Variants in CAPN11 observed in about 807,000 individuals in gnomAD.
The protein encoded by CAPN11 is calpain 11.
A neutral mutation model predicts 105.3 loss-of-function variants in CAPN11; 108 were observed. The observed-to-expected ratio is 1.03, with a 90% CI of 0.88 to 1.20. The LOEUF (loss-of-function observed/expected upper bound fraction) is 1.20. Among genes scored for constraint, CAPN11 ranks in the 50% most tolerant of loss-of-function variants. CAPN11 has a pLI of 0.00. For missense variants in CAPN11, 883 were observed against 924.8 expected (o/e 0.95, Z 0.59); for synonymous variants, 329 against 344.5 (o/e 0.96, Z 0.50).
intron 14 of CAPN11, 64 bp from the exon 15 acceptor site, chr6:44,180,396 A>C: frequency 6.8e-7 from 1 of 1,469,190 alleles, no homozygotes; most frequent in South Asian, 1.1e-5. Flanking sequence ...CCCCCAGAGC[A>C]CCCCACTAAA....
Position 44,181,327 on chromosome 6 carries a change from G to A in CAPN11, c.1938+7G>A, listed in dbSNP as rs1582888072. The A allele has an allele frequency of 6.2e-7, 1 of 1,612,590 alleles. No homozygotes were observed. Among genetic ancestry groups the A allele is most frequent in the East Asian group, 2.2e-5 (1 of 44,876 alleles). The stretch of plus-strand genomic sequence containing the variant: ...AAAACTCAAGAAATGGATGGTAAAG[G>A]GCACTAAAGGGGCAGCCTCCAGGGG... On this transcript the variant is annotated splice_region_variant and intron_variant, in intron 19 of 22. Coordinates refer to ENST00000398776, the MANE Select transcript of CAPN11 (RefSeq NM_007058.4).
chr6:44,168,426 C>T (rs889373193), intron 2 of CAPN11, among the ~76,000 whole-genome samples: 3 of 151,124 alleles, frequency 2.0e-5, no homozygotes, highest in East Asian at 3.9e-4. Flanking sequence ...CCCGCCACCA[C>T]GCCCAGCTAA....
At chr6:44,177,886 C>G (rs903008198) in intron 12 of CAPN11, among the ~76,000 whole-genome samples, 12 of 152,124 alleles carry the variant, frequency 7.9e-5, no homozygotes, top group Non-Finnish European at 1.3e-4. Flanking sequence ...AAGACAGGAG[C>G]TCAATCTGTT....
intron 19 of CAPN11, among the ~76,000 whole-genome samples, chr6:44,181,574 C>CCACACT (rs1554132267): frequency 0.14 from 683 of 4,906 alleles, 190 homozygotes; most frequent in East Asian, 0.54. Context: ...CACAACCACA[C>CCACACT]CACACATACA....
At chr6:44,176,417 TAGG>T (rs1406563644) in intron 9 of CAPN11, 79 bp downstream of exon 9, 21 of 1,377,464 alleles carry the variant, frequency 1.5e-5, no homozygotes, top group Non-Finnish European at 2.1e-5. Flanking sequence ...GTGTCCCATC[TAGG>T]AGAACAACCT....
chr6:44,171,267 G>A (rs1185785872), intron 4 of CAPN11, among the ~76,000 whole-genome samples: 1 of 152,178 alleles, frequency 6.6e-6, no homozygotes, highest in African/African-American at 2.4e-5. Flanking sequence ...GGAGACAGGT[G>A]GCAATGGAGG....
At chr6:44,170,504 T>A (rs1031966968) in intron 4 of CAPN11, among the ~76,000 whole-genome samples, 3 of 152,138 alleles carry the variant, frequency 2.0e-5, no homozygotes, top group African/African-American at 7.2e-5. Flanking sequence ...GGCTTCTCCA[T>A]GGGGCTGCTT....
In CAPN11 at chr6:44,173,559, ACTTT is replaced by A. The variant is rs1418960177; in HGVS notation, c.831+178_831+181del. The stretch of plus-strand genomic sequence containing the variant: ...TAAAGTCGCCGTCCCCACCCTATTT[ACTTT>A]CTTTTTGTTTTTTTTTGTTTGTTTG... On this transcript the variant is annotated intron_variant, in intron 7 of 22. Transcript: ENST00000398776. 3.1e-5 allele frequency among the ~76,000 whole-genome samples: 4 copies of A among 129,696 alleles called. No individual in the cohort carries two copies. The South Asian group carries it at 9.8e-4, about 32-fold the overall frequency. The allele number at this position is 129,696 out of a possible 152,430, so 85.1% of individuals were successfully genotyped here.
intron 7 of CAPN11, 131 bp from the exon 8 acceptor site, chr6:44,175,937 T>C: frequency 1.6e-6 from 1 of 611,994 alleles, no homozygotes; most frequent in Admixed American, 2.7e-5. Flanking sequence ...TATTTCAAAA[T>C]AATGATAATA....
At position 44,183,311 on chromosome 6, in the gene CAPN11, G is replaced by T; in HGVS notation, c.2134+76G>T. 6.7e-6 allele frequency: 6 copies of T among 893,010 alleles called. No individual in the cohort carries two copies. The South Asian group carries it at 8.0e-5, about 12-fold the overall frequency. The allele number at this position is 893,010 out of a possible 1,614,324, so 55.3% of individuals were successfully genotyped here. On this transcript the variant is annotated intron_variant, in intron 21 of 22. Coordinates refer to ENST00000398776, the MANE Select transcript of CAPN11 (RefSeq NM_007058.4). Reference sequence around the variant, plus strand: ...CTTTCCCAAACACCCACCCTGATGGGTGCTGCTCCAGATCCCCTCCCCCTT... The same window carrying T: ...CTTTCCCAAACACCCACCCTGATGGTTGCTGCTCCAGATCCCCTCCCCCTT...
intron 1 of CAPN11, among the ~76,000 whole-genome samples, chr6:44,160,279 A>G (rs1483576796): frequency 6.6e-6 from 1 of 152,252 alleles, no homozygotes; most frequent in Non-Finnish European, 1.5e-5. Context: ...TGTCGTATAC[A>G]ACAGATATAT....
intron 2 of CAPN11, 110 bp downstream of exon 2, chr6:44,166,939 G>A: frequency 1.6e-6 from 1 of 640,612 alleles, no homozygotes; most frequent in Non-Finnish European, 2.8e-6. Context: ...CATGTTGTGT[G>A]GGGAGGGCGG....
chr6:44,181,449 T>TCTCACA (rs1554132212), intron 19 of CAPN11, 129 bp downstream of exon 19: 2 of 286,648 alleles, frequency 7.0e-6, no homozygotes, highest in Admixed American at 6.0e-5. Flanking sequence ...CACACCACAC[T>TCTCACA]CACACACACA....
At chr6:44,170,268 T>A (rs575931901) in intron 4 of CAPN11, among the ~76,000 whole-genome samples, 21 of 152,264 alleles carry the variant, frequency 1.4e-4, no homozygotes, top group Non-Finnish European at 2.5e-4. Context: ...AAAAAAAAAA[T>A]TTCTTATCTC....
In CAPN11 at chr6:44,179,886, C is replaced by A. The variant is rs184163377; in HGVS notation, c.1429-66C>A. On this transcript the variant is annotated intron_variant, in intron 13 of 22. Transcript: ENST00000398776. ...CAACCCTGCCCGGCCAGGCTGTTCA[C>A]CCTGGGGGACCCTCCCTCCCTAACC... The A allele has an allele frequency of 9.2e-6, 12 of 1,306,792 alleles. No homozygotes were observed. The Admixed American group carries it at 2.0e-4, about 22-fold the overall frequency. The allele number at this position is 1,306,792 out of a possible 1,614,324, so 80.9% of individuals were successfully genotyped here. A position where few individuals can be genotyped will look rare whatever the true frequency, so the allele number is the denominator to read the frequency against.
rs1016078664 is a variant in CAPN11, at chr6:44,175,646, G to A, written c.832-422G>A. Among the ~76,000 whole-genome samples, 27 of 151,640 alleles carry A rather than the reference G, an allele frequency of 1.8e-4. No homozygotes were observed. The East Asian group carries it at 2.5e-3, about 14-fold the overall frequency. The stretch of plus-strand genomic sequence containing the variant: ...CAAGAAATTAGCCAGGCGTGGTGGC[G>A]GGCGCCTGTAATCCCAGCTACTTGG... On this transcript the variant is annotated intron_variant, in intron 7 of 22. Coordinates refer to ENST00000398776, the MANE Select transcript of CAPN11 (RefSeq NM_007058.4).
chr6:44,173,442 A>G (rs1369075455), intron 7 of CAPN11, 56 bp downstream of exon 7: 1 of 1,171,956 alleles, frequency 8.5e-7, no homozygotes. Flanking sequence ...GCTGTCACCC[A>G]AAAGGCTCTT....
At chr6:44,164,185 T>A (rs1160241632) in intron 1 of CAPN11, among the ~76,000 whole-genome samples, 2 of 152,120 alleles carry the variant, frequency 1.3e-5, no homozygotes, top group Non-Finnish European at 2.9e-5. Context: ...AAAGTGTATC[T>A]ATGTTGAACA....
chr6:44,172,246 C>A, intron 4 of CAPN11, 56 bp from the exon 5 acceptor site: 1 of 1,202,048 alleles, frequency 8.3e-7, no homozygotes, highest in South Asian at 1.4e-5. Flanking sequence ...GATTCTGAGG[C>A]CCACCCACAC....
Sources: gnomAD v4.1 joint callset for allele counts (sites outside exome capture counted in the v4.1 genomes callset) on GRCh38, gnomAD v4.1.1 for gene constraint, MANE v1.5 for transcripts, NCBI Gene and HGNC (gene_info 2026-07-23, HGNC 2026-07-21) for gene names.